SLC35F4: variants seen among roughly 807,000 people sequenced by gnomAD.
SLC35F4 encodes the protein solute carrier family 35 member F4.
SLC35F4 carries 24 observed loss-of-function variants against 44.2 expected under a neutral mutation model. The ratio of observed to expected loss-of-function variants is 0.54; its 90% CI spans 0.39 to 0.76. The LOEUF (loss-of-function observed/expected upper bound fraction) is 0.76. Among genes scored for constraint, SLC35F4 ranks in the 30% least tolerant of loss-of-function variants. The pLI is 0.00. For synonymous variants in SLC35F4, 238 were observed against 223.6 expected (o/e 1.06, Z -0.57); for missense variants, 562 against 586.1 (o/e 0.96, Z 0.42).
At chr14:57,912,526 C>A (rs1171183470) in intron 1 of SLC35F4, among the ~76,000 whole-genome samples, 4 of 151,892 alleles carry the variant, frequency 2.6e-5, no homozygotes, top group Admixed American at 6.6e-5. Context: ...GCCTTTGACC[C>A]ATGTGTCATT....
At chr14:57,921,341 C>A (rs1201204893) in intron 1 of SLC35F4, among the ~76,000 whole-genome samples, 1 of 152,328 alleles carries the variant, frequency 6.6e-6, no homozygotes. Context: ...TCGTGACAGG[C>A]AACCAGGATC....
At chr14:57,676,965 T>C (rs1348532367) in intron 1 of SLC35F4, among the ~76,000 whole-genome samples, 1 of 152,062 alleles carries the variant, frequency 6.6e-6, no homozygotes, top group East Asian at 1.9e-4. Flanking sequence ...TGCACACACA[T>C]GTTTATAGCA....
rs371281832 is a variant in SLC35F4, at chr14:57,897,561, C to A, written n.282+84352G>T. On this transcript the variant is annotated intron_variant and non_coding_transcript_variant, in intron 1 of 1. Transcript: ENST00000556568. ...TCCCTCCACCCCAATGTGTGGCTCA[C>A]AGATCAGTGATGCACGATCCAGCAG... Among the ~76,000 whole-genome samples, 7 of 152,046 alleles carry A rather than the reference C, an allele frequency of 4.6e-5. No homozygotes were observed. In the South Asian group the frequency reaches 1.5e-3, roughly 32 times the overall value.
intron 1 of SLC35F4, among the ~76,000 whole-genome samples, chr14:57,648,694 A>G (rs1566724645): frequency 6.6e-6 from 1 of 152,220 alleles, no homozygotes; most frequent in Non-Finnish European, 1.5e-5. Context: ...GCTTTTAAGA[A>G]GTGTGTACAA....
intron 1 of SLC35F4, among the ~76,000 whole-genome samples, chr14:57,970,557 G>T (rs1881023179): frequency 6.6e-6 from 1 of 152,170 alleles, no homozygotes; most frequent in Admixed American, 6.5e-5. Flanking sequence ...ACAGAAAACA[G>T]TTTATGAATC....
intron 1 of SLC35F4, among the ~76,000 whole-genome samples, chr14:57,873,407 A>T (rs1888334729): frequency 6.6e-6 from 1 of 152,228 alleles, no homozygotes; most frequent in Admixed American, 6.5e-5. Context: ...TAATGTAATC[A>T]ACTCAAATGT....
Position 57,694,879 on chromosome 14 carries a change from T to C in SLC35F4, c.104-100755A>G, listed in dbSNP as rs1330676560. On this transcript the variant is annotated intron_variant, in intron 1 of 7. Coordinates refer to ENST00000556826, the MANE Select transcript of SLC35F4 (RefSeq NM_001306087.2). The stretch of plus-strand genomic sequence containing the variant: ...ATTACCTAATTGTATATTTCTAATA[T>C]AGTAGCCTTGATAAATTCTCATATT... Among the ~76,000 whole-genome samples, 3 of 152,312 alleles carry C rather than the reference T, an allele frequency of 2.0e-5. No homozygotes were observed. In the East Asian group the frequency reaches 5.8e-4, roughly 29 times the overall value.
intron 1 of SLC35F4, among the ~76,000 whole-genome samples, chr14:57,727,567 C>T (rs1388882640): frequency 1.3e-5 from 2 of 151,648 alleles, no homozygotes; most frequent in South Asian, 2.1e-4. Context: ...TCACTGTGTC[C>T]CATAGGTTTT....
chr14:57,751,530 A>G (rs1036365009), intron 1 of SLC35F4, among the ~76,000 whole-genome samples: 3 of 152,214 alleles, frequency 2.0e-5, no homozygotes, highest in Non-Finnish European at 4.4e-5. Context: ...CTTGAGCTGA[A>G]TATCTCAGAA....
upstream of SLC35F4, among the ~76,000 whole-genome samples, chr14:57,866,533 T>C (rs1454708758): frequency 6.6e-6 from 1 of 152,136 alleles, no homozygotes; most frequent in Non-Finnish European, 1.5e-5. Flanking sequence ...AGGTGGTATA[T>C]GGAGTGATTA....
chr14:57,662,295 T>G (rs1374563854), intron 1 of SLC35F4, among the ~76,000 whole-genome samples: 1 of 152,208 alleles, frequency 6.6e-6, no homozygotes, highest in Non-Finnish European at 1.5e-5. Context: ...GAAAATGCTG[T>G]GATTAGAGCA....
At chr14:57,715,129 C>A (rs1334698331) in intron 1 of SLC35F4, among the ~76,000 whole-genome samples, 2 of 152,072 alleles carry the variant, frequency 1.3e-5, no homozygotes, top group Non-Finnish European at 1.5e-5. Context: ...AGTTAGGGAA[C>A]TGAATGTCTA....
chr14:57,931,655 G>A (rs1889699421), intron 1 of SLC35F4, among the ~76,000 whole-genome samples: 1 of 152,194 alleles, frequency 6.6e-6, no homozygotes, highest in Non-Finnish European at 1.5e-5. Context: ...TTGAACATTA[G>A]ATCATGTCAT....
chr14:57,606,279 G>A (rs2071159131), intron 1 of SLC35F4, among the ~76,000 whole-genome samples: 1 of 152,130 alleles, frequency 6.6e-6, no homozygotes, highest in East Asian at 1.9e-4. Context: ...GCAAGATACT[G>A]GCATTAAGAC....
At chr14:57,665,072 C>A (rs534719834) in intron 1 of SLC35F4, among the ~76,000 whole-genome samples, 159 of 152,220 alleles carry the variant, frequency 1.0e-3, no homozygotes, top group Non-Finnish European at 1.9e-3. Context: ...CTTCCATCTT[C>A]TCCTTTCCTT....
intron 1 of SLC35F4, among the ~76,000 whole-genome samples, chr14:57,844,941 AC>A (rs11343420): frequency 0.29 from 42,518 of 145,110 alleles, 8,725 homozygotes; most frequent in African/African-American, 0.58. Flanking sequence ...CTCTTCCCCC[AC>A]CCCCCCATGC....
At chr14:57,758,127 T>G (rs10145727) in intron 1 of SLC35F4, among the ~76,000 whole-genome samples, 29,992 of 151,800 alleles carry the variant, frequency 0.2, 3,061 homozygotes, top group East Asian at 0.25. Context: ...CTCTTATTTT[T>G]TTCTCTGTAA....
intron 1 of SLC35F4, among the ~76,000 whole-genome samples, chr14:57,796,362 T>A (rs562696771): frequency 6.6e-6 from 1 of 152,290 alleles, no homozygotes; most frequent in East Asian, 1.9e-4. Flanking sequence ...AATCAATCTA[T>A]TTTCACCAGA....
At chr14:57,717,820 G>T (rs1480083376) in intron 1 of SLC35F4, among the ~76,000 whole-genome samples, 2 of 152,060 alleles carry the variant, frequency 1.3e-5, no homozygotes, top group Non-Finnish European at 2.9e-5. Context: ...GGAAAATTGG[G>T]TATCCATCCC....
Sources: allele counts gnomAD v4.1 joint callset (sites outside exome capture counted in the v4.1 genomes callset), GRCh38; gene constraint gnomAD v4.1.1; transcripts MANE v1.5; gene names NCBI Gene and HGNC (gene_info 2026-07-23, HGNC 2026-07-21).